Variants in IL1RAPL2 observed in about 807,000 individuals in gnomAD.
The protein encoded by IL1RAPL2 is X-linked interleukin-1 receptor accessory protein-like 2.
In IL1RAPL2, 3 loss-of-function variants were observed where a neutral mutation model predicts 44.1. The ratio of observed to expected loss-of-function variants is 0.07; its 90% CI spans 0.03 to 0.18. The LOEUF is 0.18. Among genes scored for constraint, IL1RAPL2 ranks in the 10% least tolerant of loss-of-function variants. IL1RAPL2 has a pLI of 1.00. For missense variants in IL1RAPL2, 391 were observed against 496.4 expected (o/e 0.79, Z 2.02); for synonymous variants, 181 against 178.8 (o/e 1.01, Z -0.10).
intron 2 of IL1RAPL2, among the ~76,000 whole-genome samples, chrX:105,051,941 C>T (rs1045101115): frequency 2.7e-5 from 3 of 112,215 alleles, no homozygotes; most frequent in African/African-American, 9.7e-5. Context: ...CACACATATA[C>T]CTATGTAAAA....
At chrX:105,536,139 T>A (rs747872855) in intron 6 of IL1RAPL2, among the ~76,000 whole-genome samples, 1 of 110,661 alleles carries the variant, frequency 9.0e-6, no homozygotes, top group Non-Finnish European at 1.9e-5. Flanking sequence ...AACATGTTCA[T>A]TATAAAAAAT....
rs146105683 is a variant in IL1RAPL2, at chrX:105,355,126, C to T, written c.697+87585C>T. ...ACCATGCAATCCATTTTTTACCTAC[C>T]GGCCGCTTTTAGATCTGGTACTGCT... is the stretch of plus-strand genomic sequence containing the variant. On this transcript the variant is annotated intron_variant, in intron 5 of 10. Transcript: ENST00000372582. 2.6e-3 allele frequency among the ~76,000 whole-genome samples: 287 copies of T among 111,552 alleles called. 1 individual carries two copies. Among genetic ancestry groups the T allele is most frequent in the African/African-American group, 8.8e-3 (270 of 30,795 alleles).
intron 2 of IL1RAPL2, among the ~76,000 whole-genome samples, chrX:105,174,600 A>G (rs1045202310): frequency 3.2e-4 from 36 of 111,578 alleles, no homozygotes; most frequent in Admixed American, 9.6e-5. Flanking sequence ...TACCTGGGCT[A>G]GTAGGAAGCT....
At chrX:105,422,903 C>T (rs1463469828) in intron 5 of IL1RAPL2, among the ~76,000 whole-genome samples, 1 of 110,838 alleles carries the variant, frequency 9.0e-6, no homozygotes, top group Non-Finnish European at 1.9e-5. Flanking sequence ...GATTATAAAA[C>T]CACCTTCTAA....
intron 2 of IL1RAPL2, among the ~76,000 whole-genome samples, chrX:104,788,337 A>G (rs1412821099): frequency 8.9e-6 from 1 of 111,799 alleles, no homozygotes; most frequent in Non-Finnish European, 1.9e-5. Context: ...GAGACACTGG[A>G]CAAGTAACTT....
At position 105,311,477 on chromosome X, in the gene IL1RAPL2, A is replaced by T. The variant is rs765918566; in HGVS notation, c.697+43936A>T. 2.8e-4 allele frequency among the ~76,000 whole-genome samples: 31 copies of T among 108,824 alleles called. No individual in the cohort carries two copies. In the South Asian group the frequency reaches 0.012, roughly 43 times the overall value. The allele number at this position is 108,824 out of a possible 115,157, so 94.5% of individuals were successfully genotyped here. A position where few individuals can be genotyped will look rare whatever the true frequency, so the allele number is the denominator to read the frequency against. ...GTACATTCATTTTAGGGGTGTTATT[A>T]GGGATTATAATATGTATATTTATTC... On this transcript the variant is annotated intron_variant, in intron 5 of 10. Coordinates refer to ENST00000372582, the MANE Select transcript of IL1RAPL2 (RefSeq NM_017416.2).
At chrX:104,629,181 A>G (rs1226514218) in intron 1 of IL1RAPL2, among the ~76,000 whole-genome samples, 2 of 112,008 alleles carry the variant, frequency 1.8e-5, no homozygotes, top group Non-Finnish European at 3.8e-5. Context: ...CTATGGTTGA[A>G]GGGTAAATTT....
At chrX:105,046,419 T>C (rs2031837568) in intron 2 of IL1RAPL2, among the ~76,000 whole-genome samples, 1 of 111,341 alleles carries the variant, frequency 9.0e-6, no homozygotes, top group South Asian at 3.8e-4. Context: ...TTTATTTCCT[T>C]CTCTTTGCTT....
At chrX:104,831,616 A>G (rs751018444) in intron 2 of IL1RAPL2, among the ~76,000 whole-genome samples, 1 of 111,841 alleles carries the variant, frequency 8.9e-6, no homozygotes, top group Non-Finnish European at 1.9e-5. Flanking sequence ...ATTTTTAAGT[A>G]AAATGAACTT....
chrX:105,204,110 T>C (rs781967141), intron 3 of IL1RAPL2, among the ~76,000 whole-genome samples: 1 of 110,437 alleles, frequency 9.1e-6, no homozygotes, highest in East Asian at 2.9e-4. Flanking sequence ...GTTTTATCTG[T>C]ATCAAAGTGA....
At chrX:105,311,647 T>C (rs756452031) in intron 5 of IL1RAPL2, among the ~76,000 whole-genome samples, 1,441 of 108,216 alleles carry the variant, frequency 0.013, 30 homozygotes, top group African/African-American at 0.045. Flanking sequence ...CACACATATA[T>C]ATATATATAT....
chrX:105,036,059 A>G (rs938424011), intron 2 of IL1RAPL2, among the ~76,000 whole-genome samples: 2 of 111,933 alleles, frequency 1.8e-5, no homozygotes, highest in Non-Finnish European at 3.8e-5. Flanking sequence ...ATGAGGTATC[A>G]GTGTCATTCT....
intron 2 of IL1RAPL2, among the ~76,000 whole-genome samples, chrX:104,886,816 C>T (rs1307643600): frequency 1.1e-4 from 12 of 111,600 alleles, no homozygotes; most frequent in Admixed American, 9.5e-4. Flanking sequence ...AGCCCTCATC[C>T]GTTTGGTCAG....
chrX:104,747,932 C>T (rs1932202878), intron 2 of IL1RAPL2, among the ~76,000 whole-genome samples: 1 of 111,802 alleles, frequency 8.9e-6, no homozygotes, highest in Admixed American at 9.5e-5. Context: ...AGGTCACACA[C>T]ATAGAGACAT....
intron 2 of IL1RAPL2, among the ~76,000 whole-genome samples, chrX:104,740,181 G>A (rs1005687542): frequency 9.0e-6 from 1 of 111,219 alleles, no homozygotes; most frequent in Non-Finnish European, 1.9e-5. Flanking sequence ...TTGCAACAGT[G>A]ACATGAACAT....
chrX:105,689,064 A>T (rs995355109), intron 6 of IL1RAPL2, among the ~76,000 whole-genome samples: 6 of 112,010 alleles, frequency 5.4e-5, no homozygotes, highest in African/African-American at 1.6e-4. Context: ...CCTTATACAA[A>T]AATTAATTCA....
chrX:105,097,364 GC>G (rs1359111581), intron 2 of IL1RAPL2, among the ~76,000 whole-genome samples: 1 of 101,478 alleles, frequency 9.9e-6, no homozygotes, highest in African/African-American at 3.8e-5. Flanking sequence ...ACATGCCAGG[GC>G]CCCCTCAGAG....
chrX:105,294,256 G>T (rs1433298120), intron 5 of IL1RAPL2, among the ~76,000 whole-genome samples: 1 of 112,267 alleles, frequency 8.9e-6, no homozygotes, highest in East Asian at 2.8e-4. Flanking sequence ...GTAAGAGAAT[G>T]GGAGTGTATT....
At chrX:105,052,197 A>G (rs2031936574) in intron 2 of IL1RAPL2, among the ~76,000 whole-genome samples, 1 of 111,793 alleles carries the variant, frequency 8.9e-6, no homozygotes, top group Non-Finnish European at 1.9e-5. Flanking sequence ...CTCATGGTCA[A>G]AGAGGCCTTC....
Sources: gnomAD v4.1 joint callset for allele counts (sites outside exome capture counted in the v4.1 genomes callset) on GRCh38, gnomAD v4.1.1 for gene constraint, MANE v1.5 for transcripts, NCBI Gene and HGNC (gene_info 2026-07-23, HGNC 2026-07-21) for gene names.